Variants in SERPINB2 observed in about 807,000 individuals in gnomAD.
SERPINB2 encodes plasminogen activator inhibitor 2.
SERPINB2 carries 28 observed loss-of-function variants against 39.4 expected under a neutral mutation model. The observed-to-expected ratio is 0.71, with a 90% CI of 0.53 to 0.97. The LOEUF is 0.97. Among genes scored for constraint, SERPINB2 ranks in the 50% least tolerant of loss-of-function variants. The pLI, the probability that SERPINB2 is intolerant of heterozygous loss-of-function variation, is 0.00. For missense variants in SERPINB2, 557 were observed against 505.3 expected, an observed-to-expected ratio of 1.10 and a Z score of -0.98; for synonymous variants, 209 against 175.1, an observed-to-expected ratio of 1.19 and a Z score of -1.53.
chr18:63,901,283 A>G (rs1336005855), intron 5 of SERPINB2, among the ~76,000 whole-genome samples: 1 of 152,126 alleles, frequency 6.6e-6, no homozygotes, highest in South Asian at 2.1e-4. Context: ...ACTACTCTTA[A>G]TTTAGGTCTA....
intron 3 of SERPINB2, among the ~76,000 whole-genome samples, chr18:63,895,975 G>A (rs545859143): frequency 4.6e-5 from 7 of 151,754 alleles, no homozygotes; most frequent in East Asian, 3.9e-4. Flanking sequence ...CAGCTATCTC[G>A]GGGAGTAACA....
Position 63,897,767 on chromosome 18 carries a change from C to T in SERPINB2, c.458C>T (p.Pro153Leu), listed in dbSNP as rs149666377. 6 of 1,613,206 alleles carry T rather than the reference C, an allele frequency of 3.7e-6. No individual in the cohort carries two copies. Among genetic ancestry groups the T allele is most frequent in the Non-Finnish European group, 5.1e-6 (6 of 1,179,322 alleles). ...RLCQKYYSSEPQAVDFLECAE... is the reference protein window; with the variant it reads ...RLCQKYYSSELQAVDFLECAE... The stretch of plus-strand genomic sequence containing the variant: ...TGTCAGAAATATTACTCCTCAGAAC[C>T]CCAGGCAGTAGACTTCCTAGAATGT... Residue 153 changes from proline to leucine, a missense_variant, in exon 5 of 8, where the codon CCC becomes CTC. Coordinates refer to ENST00000299502, the MANE Select transcript of SERPINB2 (RefSeq NM_002575.3).
intron 3 of SERPINB2, among the ~76,000 whole-genome samples, chr18:63,896,686 A>G (rs1248200617): frequency 6.6e-6 from 1 of 152,220 alleles, no homozygotes; most frequent in Non-Finnish European, 1.5e-5. Context: ...AAACAGTTTT[A>G]TTAACTATAA....
chr18:63,898,487 AATTC>A (rs375085681), intron 5 of SERPINB2, among the ~76,000 whole-genome samples: 5 of 152,332 alleles, frequency 3.3e-5, no homozygotes, highest in African/African-American at 4.8e-5. Context: ...TTATTCATTG[AATTC>A]ATTCATTCAT....
chr18:63,895,240 C>T (rs1234480214), intron 2 of SERPINB2, 24 bp from the exon 3 acceptor site: 7 of 1,610,304 alleles, frequency 4.3e-6, no homozygotes, highest in East Asian at 2.2e-5. Flanking sequence ...CAAGTGTAAC[C>T]GTTTTCTCTA....
At chr18:63,899,292 T>C (rs1251447973) in intron 5 of SERPINB2, among the ~76,000 whole-genome samples, 1 of 152,176 alleles carries the variant, frequency 6.6e-6, no homozygotes, top group Non-Finnish European at 1.5e-5. Context: ...GGAACTGATT[T>C]TTGTTAGTTT....
At chr18:63,896,093 A>G (rs1175149257) in intron 3 of SERPINB2, among the ~76,000 whole-genome samples, 1 of 152,172 alleles carries the variant, frequency 6.6e-6, no homozygotes, top group East Asian at 1.9e-4. Context: ...CATGCTTATG[A>G]GGTAGATTAT....
At chr18:63,887,846 TAGATTGAAA>T (rs1190606996) in intron 1 of SERPINB2, 76 bp downstream of exon 1, 3 of 152,188 alleles carry the variant, frequency 2.0e-5, no homozygotes, top group Non-Finnish European at 4.4e-5. Flanking sequence ...CTGGTATTAA[TAGATTGAAA>T]ATTTGGATGT....
At chr18:63,900,942 A>G (rs1228151441) in intron 5 of SERPINB2, among the ~76,000 whole-genome samples, 2 of 152,204 alleles carry the variant, frequency 1.3e-5, no homozygotes, top group Non-Finnish European at 2.9e-5. Context: ...GTCCTTTTGC[A>G]TAAAATGACA....
intron 1 of SERPINB2, among the ~76,000 whole-genome samples, chr18:63,888,382 A>G (rs2049905773): frequency 1.3e-5 from 2 of 152,236 alleles, no homozygotes; most frequent in Admixed American, 6.5e-5. Flanking sequence ...ATAACTTAAT[A>G]TCCCATAAAA....
chr18:63,903,243 T>C lies in SERPINB2; in HGVS notation c.1186T>C (p.Phe396Leu). 1 of 1,594,488 alleles carries C rather than the reference T, an allele frequency of 6.3e-7. No individual in the cohort carries two copies. Among genetic ancestry groups the C allele is most frequent in the East Asian group, 2.2e-5 (1 of 44,682 alleles). The change falls in exon 8 of 8, where the codon TTT (phenylalanine) becomes CTT (leucine). Residue 396 changes from phenylalanine (F) to leucine (L), a missense_variant. Phe to Leu is a conservative substitution (Grantham distance 22). Coordinates refer to ENST00000299502, the MANE Select transcript of SERPINB2 (RefSeq NM_002575.3). ...PQFVADHPFL[F>L]LIMHKITNCI... The stretch of plus-strand genomic sequence containing the variant: ...GTTTGTGGCAGATCATCCTTTTCTT[T>C]TTCTTATTATGCATAAGATAACCAA...
At position 63,903,285 on chromosome 18, in the gene SERPINB2, G is replaced by A. The variant is rs778908859; in HGVS notation, c.1228G>A (p.Gly410Ser). ...GATAACCAACTGCATTTTATTTTTC[G>A]GCAGATTTTCCTCACCCTAAAACTA... is the stretch of plus-strand genomic sequence containing the variant. Reference protein sequence around the residue: ...HKITNCILFFGRFSSP With the variant: ...HKITNCILFFSRFSSP The change falls in exon 8 of 8, where the codon GGC (glycine) becomes AGC (serine). Residue 410 changes from glycine to serine, a missense_variant. Coordinates refer to ENST00000299502, the MANE Select transcript of SERPINB2 (RefSeq NM_002575.3). 50 of 1,530,426 alleles carry A rather than the reference G, an allele frequency of 3.3e-5. No homozygotes were observed. Among genetic ancestry groups the A allele is most frequent in the East Asian group, 4.6e-5 (2 of 43,762 alleles). 94.8% of individuals were successfully genotyped at this position (1,530,426 alleles called of 1,614,324 possible).
At position 63,894,391 on chromosome 18, in the gene SERPINB2, T is replaced by C. The variant is rs73478006; in HGVS notation, c.169-873T>C. Among the ~76,000 whole-genome samples, 1,023 of 152,236 alleles carry C rather than the reference T, an allele frequency of 6.7e-3. 20 individuals carry two copies. The highest frequency in any genetic ancestry group is 0.023 in the African/African-American group (975 of 41,542). ...CCTTCTAGCCCAGAAATTCACCAAC[T>C]TGCTGGACAAGGCTGCCTTAATTAA... On this transcript the variant is annotated intron_variant, in intron 2 of 7. Transcript: ENST00000299502.
intron 3 of SERPINB2, among the ~76,000 whole-genome samples, chr18:63,895,719 AG>A (rs1461024159): frequency 3.9e-5 from 6 of 152,204 alleles, no homozygotes; most frequent in African/African-American, 1.4e-4. Flanking sequence ...GGATTTCCAG[AG>A]GAGAGAGGGT....
chr18:63,899,633 C>T (rs896149371), intron 5 of SERPINB2, among the ~76,000 whole-genome samples: 2 of 152,150 alleles, frequency 1.3e-5, no homozygotes, highest in African/African-American at 2.4e-5. Flanking sequence ...GGGGATTAGC[C>T]GGCTCCCCTA....
Position 63,903,043 on chromosome 18 carries a change from T to C in SERPINB2, c.986T>C (p.Met329Thr), listed in dbSNP as rs765364455. ...AGATCCATTCTGAGAAGCATGGGCA[T>C]GGAGGACGCCTTCAACAAGGGACGG... ...ELRSILRSMG[M>T]EDAFNKGRAN... The change falls in exon 8 of 8, where the codon ATG becomes ACG. Residue 329 changes from methionine to threonine, a missense_variant. Met to Thr is a moderately conservative substitution (Grantham distance 81). Transcript: ENST00000299502. 8.1e-6 allele frequency: 13 copies of C among 1,613,706 alleles called. No individual in the cohort carries two copies. Among genetic ancestry groups the C allele is most frequent in the Non-Finnish European group, 1.1e-5 (13 of 1,179,818 alleles).
rs6097 is a variant in SERPINB2, at chr18:63,903,317, C to T, written c.*12C>T. On this transcript the variant is annotated 3_prime_UTR_variant, in exon 8 of 8. Transcript: ENST00000299502. ...TTTCCTCACCCTAAAACTAAGCGTG[C>T]TGCTTCTGCAAAAGATTTTTGTAGA... 4.8e-3 allele frequency: 7,136 copies of T among 1,475,294 alleles called. 258 individuals carry two copies. In the African/African-American group the frequency reaches 0.086, roughly 18 times the overall value. 91.4% of individuals were successfully genotyped at this position (1,475,294 alleles called of 1,614,324 possible).
At chr18:63,899,626 G>T (rs538605258) in intron 5 of SERPINB2, among the ~76,000 whole-genome samples, 3 of 152,180 alleles carry the variant, frequency 2.0e-5, no homozygotes, top group Admixed American at 6.5e-5. Context: ...GTTCCCAGGG[G>T]ATTAGCCGGC....
intron 3 of SERPINB2, 104 bp from the exon 4 acceptor site, chr18:63,896,987 T>C (rs1042261815): frequency 1.1e-5 from 11 of 1,039,750 alleles, no homozygotes; most frequent in African/African-American, 1.6e-5. Flanking sequence ...TATGTATTAA[T>C]ATAGCATTTC....
Sources: gnomAD v4.1 joint callset for allele counts (sites outside exome capture counted in the v4.1 genomes callset) on GRCh38, gnomAD v4.1.1 for gene constraint, MANE v1.5 for transcripts, NCBI Gene and HGNC (gene_info 2026-07-23, HGNC 2026-07-21) for gene names.